KIRREL3: variants seen among roughly 807,000 people sequenced by gnomAD.
The protein encoded by KIRREL3 is kin of IRRE-like protein 3.
Under a neutral mutation model 89.7 loss-of-function variants are expected in KIRREL3, and 36 were observed. That is an observed-to-expected ratio of 0.40 (90% CI 0.31 to 0.53). The LOEUF (loss-of-function observed/expected upper bound fraction) is 0.53, where lower values mean the gene tolerates loss of function less well. Among genes scored for constraint, KIRREL3 ranks in the 20% least tolerant of loss-of-function variants. KIRREL3 has a pLI of 0.49. For missense variants in KIRREL3, 864 were observed against 1,056.6 expected (o/e 0.82, Z 2.53); for synonymous variants, 445 against 441.4 (o/e 1.01, Z -0.10).
At position 126,736,955 on chromosome 11, in the gene KIRREL3, G is replaced by T. The variant is rs1017922241; in HGVS notation, c.56-174043C>A. Among the ~76,000 whole-genome samples the T allele has an allele frequency of 9.9e-5, 15 of 152,150 alleles. No individual in the cohort carries two copies. The highest frequency in any genetic ancestry group is 1.8e-4 in the Non-Finnish European group (12 of 68,036). Reference sequence around the variant, plus strand: ...TTAGTTTTCCAGGGAGCCAGCAATTGGTTACATCAGAAAACTTTATTCTCA... The same window carrying T: ...TTAGTTTTCCAGGGAGCCAGCAATTTGTTACATCAGAAAACTTTATTCTCA... On this transcript the variant is annotated intron_variant, in intron 1 of 16. Transcript: ENST00000525144. The surrounding 1 kb of genome is among the most constrained non-coding windows in gnomAD (Gnocchi z 5.0).
chr11:126,835,937 C>G (rs1195333242), intron 1 of KIRREL3, among the ~76,000 whole-genome samples: 3 of 152,180 alleles, frequency 2.0e-5, no homozygotes, highest in Admixed American at 6.5e-5. Context: ...GCCCCAGTAA[C>G]AACTCTGAAC....
At chr11:126,634,596 T>C (rs1010150964) in intron 1 of KIRREL3, among the ~76,000 whole-genome samples, 1 of 152,164 alleles carries the variant, frequency 6.6e-6, no homozygotes, top group Non-Finnish European at 1.5e-5. Context: ...AGCTTGACTC[T>C]TGGGTCCTCA....
chr11:126,745,489 G>GA (rs1177157881), intron 1 of KIRREL3, among the ~76,000 whole-genome samples: 1 of 34,124 alleles, frequency 2.9e-5, no homozygotes, highest in Non-Finnish European at 5.3e-5. Context: ...CAAACAAACA[G>GA]AAAAACAAAA....
rs1171524834 is a variant in KIRREL3, at chr11:126,696,340, C to T, written c.56-133428G>A. Reference sequence around the variant, plus strand: ...CCTTCTCCCTTTCTTTGACCCTTCTCCTCCTTGGTTGCCTTGTGTGGTTGA... The same window carrying T: ...CCTTCTCCCTTTCTTTGACCCTTCTTCTCCTTGGTTGCCTTGTGTGGTTGA... On this transcript the variant is annotated intron_variant, in intron 1 of 16. Transcript: ENST00000525144. This position sits in a 1 kb window ranked among gnomAD's most constrained non-coding sequence, Gnocchi z 4.4. Among the ~76,000 whole-genome samples the T allele has an allele frequency of 1.3e-5, 2 of 151,858 alleles. No homozygotes were observed. Among genetic ancestry groups the T allele is most frequent in the African/African-American group, 2.4e-5 (1 of 41,338 alleles).
intron 6 of KIRREL3, among the ~76,000 whole-genome samples, chr11:126,461,226 T>A (rs1367479728): frequency 6.6e-6 from 1 of 152,252 alleles, no homozygotes; most frequent in Non-Finnish European, 1.5e-5. Flanking sequence ...CTTTGCGGCA[T>A]CTCACCTTTT....
chr11:126,650,335 GCTTTT>G (rs1944863289), intron 1 of KIRREL3, among the ~76,000 whole-genome samples: 1 of 152,100 alleles, frequency 6.6e-6, no homozygotes, highest in Non-Finnish European at 1.5e-5. Flanking sequence ...CAGAAAATGG[GCTTTT>G]CTTTTCTATT....
chr11:126,733,094 A>G (rs1335778923), intron 1 of KIRREL3, among the ~76,000 whole-genome samples: 1 of 152,216 alleles, frequency 6.6e-6, no homozygotes. Context: ...GCAACCCTCC[A>G]ATTCAAAAGT....
In KIRREL3 at chr11:126,891,007, T is replaced by C. The variant is rs866101114; in HGVS notation, c.55+109448A>G. ...TGCTGCCTTTATTTAATGAGGTTTA[T>C]TGTTTGTGCTTAGTAATTTTCAAAG... On this transcript the variant is annotated intron_variant, in intron 1 of 16. Transcript: ENST00000525144. The surrounding 1 kb of genome is among the most constrained non-coding windows in gnomAD (Gnocchi z 5.1). Among the ~76,000 whole-genome samples, 1 of 152,228 alleles carries C rather than the reference T, an allele frequency of 6.6e-6. No homozygotes were observed. The highest frequency in any genetic ancestry group is 2.4e-5 in the African/African-American group (1 of 41,458).
intron 1 of KIRREL3, among the ~76,000 whole-genome samples, chr11:126,743,876 GTA>G (rs1949057141): frequency 6.6e-6 from 1 of 152,210 alleles, no homozygotes; most frequent in Admixed American, 6.5e-5. Context: ...TGTGTGGTAT[GTA>G]TATGAGTGTG....
At position 126,615,912 on chromosome 11, in the gene KIRREL3, G is replaced by C. The variant is rs1429425929; in HGVS notation, c.56-53000C>G. ...ATATGTCTGGGGAGCAGACTTCTTT[G>C]TATGCCCCCGGGGACAGGACAGGAT... is the stretch of plus-strand genomic sequence containing the variant. On this transcript the variant is annotated intron_variant, in intron 1 of 16. Transcript: ENST00000525144. This position sits in a 1 kb window ranked among gnomAD's most constrained non-coding sequence, Gnocchi z 5.4. Among the ~76,000 whole-genome samples the C allele has an allele frequency of 6.6e-6, 1 of 152,172 alleles. No homozygotes were observed. The highest frequency in any genetic ancestry group is 6.5e-5 in the Admixed American group (1 of 15,278).
At chr11:126,590,976 A>AGG (rs2134706072) in intron 1 of KIRREL3, among the ~76,000 whole-genome samples, 1 of 152,332 alleles carries the variant, frequency 6.6e-6, no homozygotes, top group South Asian at 2.1e-4. Flanking sequence ...TAATCCCAGC[A>AGG]CTTTGGGAGG....
chr11:126,435,355 G>A lies in KIRREL3; in HGVS notation c.1553-52C>T, dbSNP rs1955285204. On this transcript the variant is annotated intron_variant, in intron 12 of 16. Coordinates refer to ENST00000525144, the MANE Select transcript of KIRREL3 (RefSeq NM_032531.4). ...CAGCCAGGGCCTGGCTGGCCAGGGT[G>A]GGGTGGGACTGGGAATTAGCTGCTT... 6 of 1,600,474 alleles carry A rather than the reference G, an allele frequency of 3.7e-6. No homozygotes were observed. In the Admixed American group the frequency reaches 8.3e-5, roughly 22 times the overall value.
chr11:126,640,261 G>A lies in KIRREL3; in HGVS notation c.56-77349C>T, dbSNP rs1944416863. ...GACCCACCCTGAGGAATAGCCATGG[G>A]CAGTGGGTATGTGGGGCTCCTGGGG... On this transcript the variant is annotated intron_variant, in intron 1 of 16. Coordinates refer to ENST00000525144, the MANE Select transcript of KIRREL3 (RefSeq NM_032531.4). This position sits in a 1 kb window ranked among gnomAD's most constrained non-coding sequence, Gnocchi z 4.9. 6.6e-6 allele frequency among the ~76,000 whole-genome samples: 1 copy of A among 152,124 alleles called. No homozygotes were observed. Among genetic ancestry groups the A allele is most frequent in the Non-Finnish European group, 1.5e-5 (1 of 68,034 alleles).
rs1370671389 is a variant in KIRREL3 at position 126,703,695 on chromosome 11, G to T, written c.56-140783C>A. 6.6e-6 allele frequency among the ~76,000 whole-genome samples: 1 copy of T among 152,188 alleles called. No individual in the cohort carries two copies. Among genetic ancestry groups the T allele is most frequent in the African/African-American group, 2.4e-5 (1 of 41,446 alleles). On this transcript the variant is annotated intron_variant, in intron 1 of 16. Transcript: ENST00000525144. The surrounding 1 kb of genome is among the most constrained non-coding windows in gnomAD (Gnocchi z 4.6). ...TGAGGCCCACGGGCAGGGGAGGCAGGACTCCTAAGCCTGGGCCCTCTGACT... is the reference window on the plus strand; with the variant it reads ...TGAGGCCCACGGGCAGGGGAGGCAGTACTCCTAAGCCTGGGCCCTCTGACT...
rs150626544 is a variant in KIRREL3, at chr11:126,889,647, C to T, written c.55+110808G>A. ...ACATCAGGGCTTCTATGCACAGCTT[C>T]GGGAAGAATCAGTTTCAGTACGTTT... On this transcript the variant is annotated intron_variant, in intron 1 of 16. Coordinates refer to ENST00000525144, the MANE Select transcript of KIRREL3 (RefSeq NM_032531.4). Among the ~76,000 whole-genome samples, 40 of 152,292 alleles carry T rather than the reference C, an allele frequency of 2.6e-4. No homozygotes were observed. The East Asian group carries it at 6.7e-3, about 26-fold the overall frequency.
At chr11:126,853,313 C>A (rs1944401575) in intron 1 of KIRREL3, among the ~76,000 whole-genome samples, 1 of 152,264 alleles carries the variant, frequency 6.6e-6, no homozygotes, top group Non-Finnish European at 1.5e-5. Context: ...GCTTTCCAAA[C>A]AAACTGGAAT....
rs77679822 is a variant in KIRREL3 at position 126,457,656 on chromosome 11, A to G, written c.743-1202T>C. Among the ~76,000 whole-genome samples, 1,395 of 152,226 alleles carry G rather than the reference A, an allele frequency of 9.2e-3. 24 individuals carry two copies. The highest frequency in any genetic ancestry group is 0.03 in the African/African-American group (1,251 of 41,522). On this transcript the variant is annotated intron_variant, in intron 6 of 16. Coordinates refer to ENST00000525144, the MANE Select transcript of KIRREL3 (RefSeq NM_032531.4). ...AAAAGGGCGAGAAAAAGAGAAATCT[A>G]GAGAAGCAGAGGGCAGAGTGATGGA...
In KIRREL3 at chr11:126,516,814, C is replaced by G. The variant is rs969422626; in HGVS notation, c.433+4501G>C. Among the ~76,000 whole-genome samples the G allele has an allele frequency of 2.0e-5, 3 of 152,206 alleles. No homozygotes were observed. The highest frequency in any genetic ancestry group is 7.2e-5 in the African/African-American group (3 of 41,456). On this transcript the variant is annotated intron_variant, in intron 4 of 16. Transcript: ENST00000525144. This position sits in a 1 kb window ranked among gnomAD's most constrained non-coding sequence, Gnocchi z 4.9. ...TATATGTGTACACAACTTTAAAATA[C>G]AGGCGGGGTGGCTCACGCTTGTAAT...
In KIRREL3 at chr11:126,463,413, T is replaced by G; in HGVS notation, c.592-106A>C. 1.7e-6 allele frequency: 2 copies of G among 1,159,324 alleles called. No homozygotes were observed. The highest frequency in any genetic ancestry group is 2.4e-6 in the Non-Finnish European group (2 of 819,768). 71.8% of individuals were successfully genotyped at this position (1,159,324 alleles called of 1,614,324 possible). On this transcript the variant is annotated intron_variant, in intron 5 of 16. Coordinates refer to ENST00000525144, the MANE Select transcript of KIRREL3 (RefSeq NM_032531.4). The surrounding 1 kb of genome is among the most constrained non-coding windows in gnomAD (Gnocchi z 5.9). ...CCAGCTTAGACAGAAGGGGGAGCTG[T>G]GGATGGAGGGGTTCAGCTTAGGAGA...
Sources: allele counts gnomAD v4.1 joint callset (sites outside exome capture counted in the v4.1 genomes callset), GRCh38; gene constraint gnomAD v4.1.1; non-coding constraint Gnocchi (gnomAD v3.1); transcripts MANE v1.5; gene names NCBI Gene and HGNC (gene_info 2026-07-23, HGNC 2026-07-21).